PTPRD: variants seen among roughly 807,000 people sequenced by gnomAD.
The protein encoded by PTPRD is receptor-type tyrosine-protein phosphatase delta.
PTPRD carries 34 observed loss-of-function variants against 214.5 expected under a neutral mutation model. The ratio of observed to expected loss-of-function variants is 0.16; its 90% CI spans 0.12 to 0.21. The LOEUF (loss-of-function observed/expected upper bound fraction) is 0.21. Ranked by LOEUF, PTPRD falls within the 10% of genes least tolerant of loss-of-function variation. The pLI is 1.00. For synonymous variants in PTPRD, 1,128 were observed against 845.7 expected (o/e 1.33, Z -5.79); for missense variants, 2,545 against 2,398.7 (o/e 1.06, Z -1.27).
intron 9 of PTPRD, among the ~76,000 whole-genome samples, chr9:9,299,163 T>C (rs917646148): frequency 6.6e-6 from 1 of 151,738 alleles, no homozygotes; most frequent in South Asian, 2.1e-4. Flanking sequence ...GAATAGCAAA[T>C]TGATTGATCA....
intron 11 of PTPRD, among the ~76,000 whole-genome samples, chr9:8,973,115 AGACACAGGTGTC>A (rs1567329613): frequency 2.6e-5 from 4 of 151,934 alleles, no homozygotes; most frequent in Admixed American, 6.6e-5. Context: ...CTTTGATTTT[AGACACAGGTGTC>A]AAATGTATAG....
At chr9:9,939,328 G>T (rs959489920) in intron 4 of PTPRD, among the ~76,000 whole-genome samples, 4 of 152,114 alleles carry the variant, frequency 2.6e-5, no homozygotes, top group Non-Finnish European at 5.9e-5. Flanking sequence ...CTCCAGTTTG[G>T]TAGACAACTG....
At chr9:8,753,678 G>C (rs1482094913) in intron 11 of PTPRD, among the ~76,000 whole-genome samples, 1 of 152,082 alleles carries the variant, frequency 6.6e-6, no homozygotes, top group East Asian at 1.9e-4. Context: ...ACTGTATTCA[G>C]AATAATTAGG....
At chr9:8,952,602 C>G (rs2099108701) in intron 11 of PTPRD, among the ~76,000 whole-genome samples, 1 of 151,788 alleles carries the variant, frequency 6.6e-6, no homozygotes, top group Non-Finnish European at 1.5e-5. Flanking sequence ...GATGGAGATT[C>G]TATAATCCAG....
intron 2 of PTPRD, among the ~76,000 whole-genome samples, chr9:10,591,277 G>C (rs1212058363): frequency 6.6e-6 from 1 of 151,974 alleles, no homozygotes; most frequent in African/African-American, 2.4e-5. Context: ...GTGTATGTCT[G>C]TGGTTTGACA....
chr9:10,142,965 G>A (rs902461112), intron 3 of PTPRD, among the ~76,000 whole-genome samples: 12 of 151,888 alleles, frequency 7.9e-5, no homozygotes, highest in Admixed American at 4.6e-4. Flanking sequence ...ATGAGTTCAT[G>A]TCCTTTGTAG....
intron 11 of PTPRD, among the ~76,000 whole-genome samples, chr9:8,831,673 G>T (rs948489843): frequency 1.3e-5 from 2 of 151,984 alleles, no homozygotes; most frequent in Non-Finnish European, 2.9e-5. Context: ...TATTAAAAAA[G>T]AACTCACATA....
chr9:9,829,634 G>C (rs939186947), intron 5 of PTPRD, among the ~76,000 whole-genome samples: 1 of 151,702 alleles, frequency 6.6e-6, no homozygotes, highest in South Asian at 2.1e-4. Flanking sequence ...TCCATATACA[G>C]GATAACATTA....
At chr9:9,805,865 G>A (rs974848458) in intron 5 of PTPRD, among the ~76,000 whole-genome samples, 1 of 152,218 alleles carries the variant, frequency 6.6e-6, no homozygotes, top group African/African-American at 2.4e-5. Context: ...AACATTAACA[G>A]ACTTCTGTAA....
chr9:9,357,238 T>A (rs1290775852), intron 9 of PTPRD, among the ~76,000 whole-genome samples: 3 of 151,418 alleles, frequency 2.0e-5, no homozygotes, highest in Non-Finnish European at 4.4e-5. Context: ...GAATAAAGGA[T>A]GATGTGCACT....
At chr9:9,011,494 A>G (rs1381710426) in intron 11 of PTPRD, among the ~76,000 whole-genome samples, 1 of 152,170 alleles carries the variant, frequency 6.6e-6, no homozygotes, top group African/African-American at 2.4e-5. Flanking sequence ...GGTGTACATT[A>G]AGAAAAAACT....
chr9:8,587,696 C>G (rs923341861), intron 14 of PTPRD, among the ~76,000 whole-genome samples: 1 of 152,112 alleles, frequency 6.6e-6, no homozygotes, highest in African/African-American at 2.4e-5. Flanking sequence ...CTGACCTCAA[C>G]GGCCTTGGAA....
chr9:9,208,541 TTACA>T (rs1569562284), intron 9 of PTPRD, among the ~76,000 whole-genome samples: 11 of 152,062 alleles, frequency 7.2e-5, no homozygotes. Context: ...ATGTTAATAT[TTACA>T]TATTTATCAA....
intron 8 of PTPRD, among the ~76,000 whole-genome samples, chr9:9,421,781 C>T (rs115604879): frequency 0.019 from 2,872 of 152,168 alleles, 87 homozygotes; most frequent in African/African-American, 0.065. Context: ...GGATTTGACA[C>T]TGGCGTCTCA....
chr9:9,798,637 T>C (rs1565352646), intron 5 of PTPRD, among the ~76,000 whole-genome samples: 2 of 152,192 alleles, frequency 1.3e-5, no homozygotes, highest in African/African-American at 2.4e-5. Flanking sequence ...GGGTATCATG[T>C]TCTGAATTCC....
At chr9:8,754,953 A>G (rs28651097) in intron 11 of PTPRD, among the ~76,000 whole-genome samples, 7,673 of 152,154 alleles carry the variant, frequency 0.05, 478 homozygotes, top group African/African-American at 0.15. Context: ...CATATGAAAA[A>G]GGACTGAACA....
chr9:9,042,291 G>A (rs1233014627), intron 10 of PTPRD, among the ~76,000 whole-genome samples: 1 of 152,154 alleles, frequency 6.6e-6, no homozygotes, highest in Non-Finnish European at 1.5e-5. Context: ...AAAATCCTGA[G>A]GGGAAATGTG....
intron 8 of PTPRD, among the ~76,000 whole-genome samples, chr9:9,561,696 T>C (rs974909728): frequency 2.0e-5 from 3 of 152,216 alleles, no homozygotes; most frequent in African/African-American, 7.2e-5. Context: ...AGGGTACTAA[T>C]TTATAAAACA....
chr9:8,997,419 T>C (rs7854772), intron 11 of PTPRD, among the ~76,000 whole-genome samples: 577 of 152,214 alleles, frequency 3.8e-3, no homozygotes, highest in African/African-American at 0.013. Flanking sequence ...GCATATCTGT[T>C]ATAGTCTGCG....
Sources: allele counts gnomAD v4.1 joint callset (sites outside exome capture counted in the v4.1 genomes callset), GRCh38; gene constraint gnomAD v4.1.1; transcripts MANE v1.5; gene names NCBI Gene and HGNC (gene_info 2026-07-23, HGNC 2026-07-21).